Variants in RNFT2 observed in about 807,000 individuals in gnomAD.
RNFT2 encodes E3 ubiquitin-protein ligase RNFT2.
Under a neutral mutation model 53.0 loss-of-function variants are expected in RNFT2, and 36 were observed. That is an observed-to-expected ratio of 0.68 (90% confidence interval 0.52 to 0.90). The LOEUF is 0.90. Ranked by LOEUF, RNFT2 falls within the 40% of genes least tolerant of loss-of-function variation. RNFT2 has a pLI of 0.00. For missense variants in RNFT2, 514 were observed against 585.6 expected (o/e 0.88, Z 1.26); for synonymous variants, 260 against 253.2 (o/e 1.03, Z -0.26).
At chr12:116,845,087 T>C (rs2137223017) in intron 10 of RNFT2, among the ~76,000 whole-genome samples, 1 of 151,436 alleles carries the variant, frequency 6.6e-6, no homozygotes, top group Middle Eastern at 3.4e-3. Context: ...CACAAAAAAA[T>C]TAAAAAATTA....
chr12:116,820,861 C>T (rs1257590638), intron 7 of RNFT2, among the ~76,000 whole-genome samples: 1 of 152,156 alleles, frequency 6.6e-6, no homozygotes, highest in Non-Finnish European at 1.5e-5. Flanking sequence ...GGACAGCCTG[C>T]AGGTACTAAG....
At position 116,852,096 on chromosome 12, in the gene RNFT2, AG is replaced by A. The variant is rs1387073761; in HGVS notation, c.*2649del. ...GTTCCCTGCTCTGAAATCTGGCATG[AG>A]ATGGCACAGGTGACCACGCAGAAGC... On this transcript the variant is annotated 3_prime_UTR_variant, in exon 11 of 11. Coordinates refer to ENST00000257575, the MANE Select transcript of RNFT2 (RefSeq NM_001382266.1). The A allele has an allele frequency of 1.9e-6, 2 of 1,029,322 alleles. No individual in the cohort carries two copies. The highest frequency in any genetic ancestry group is 1.4e-6 in the Non-Finnish European group (1 of 735,282). The allele number at this position is 1,029,322 out of a possible 1,614,324, so 63.8% of individuals were successfully genotyped here.
chr12:116,740,384 T>C lies in RNFT2; in HGVS notation c.-114T>C, dbSNP rs533102705. ...GCAAGCTCCCCTGACTGTGCATCCCTCTGGAGACGAAGAGGAGGGGGAGGC... is the reference window on the plus strand; with the variant it reads ...GCAAGCTCCCCTGACTGTGCATCCCCCTGGAGACGAAGAGGAGGGGGAGGC... On this transcript the variant is annotated 5_prime_UTR_variant, in exon 2 of 11. Coordinates refer to ENST00000257575, the MANE Select transcript of RNFT2 (RefSeq NM_001382266.1). The C allele has an allele frequency of 1.4e-4, 146 of 1,034,648 alleles. No individual in the cohort carries two copies. In the African/African-American group the frequency reaches 2.1e-3, roughly 15 times the overall value. 64.1% of individuals were successfully genotyped at this position (1,034,648 alleles called of 1,614,324 possible).
In RNFT2 at chr12:116,751,421, G is replaced by A. The variant is rs145060332; in HGVS notation, c.550+1114G>A. Reference sequence around the variant, plus strand: ...ATACTGTTTTCTGTTTGTTTGTTTTGACATGGAGTTTTGCTCTTGTTGCCC... The same window carrying A: ...ATACTGTTTTCTGTTTGTTTGTTTTAACATGGAGTTTTGCTCTTGTTGCCC... On this transcript the variant is annotated intron_variant, in intron 4 of 10. Coordinates refer to ENST00000257575, the MANE Select transcript of RNFT2 (RefSeq NM_001382266.1). 2.6e-3 allele frequency among the ~76,000 whole-genome samples: 396 copies of A among 151,792 alleles called. 2 individuals carry two copies. Among genetic ancestry groups the A allele is most frequent in the African/African-American group, 9.1e-3 (376 of 41,378 alleles).
chr12:116,832,148 A>AAATATAT (rs1555209702), intron 7 of RNFT2, among the ~76,000 whole-genome samples: 2 of 55,172 alleles, frequency 3.6e-5, no homozygotes, highest in African/African-American at 7.0e-5. Context: ...AAAAAAAAAA[A>AAATATAT]ATATATATAT....
chr12:116,750,824 TATATAATATATATATTATATATATATA>T (rs1566069330), intron 4 of RNFT2, among the ~76,000 whole-genome samples: 1 of 25,212 alleles, frequency 4.0e-5, no homozygotes, highest in East Asian at 2.9e-3. Context: ...ATATATTATA[TATATAATATATATATTATATATATATA>T]ATATATATTA....
chr12:116,769,902 G>A (rs759684250), intron 6 of RNFT2, among the ~76,000 whole-genome samples: 1 of 152,062 alleles, frequency 6.6e-6, no homozygotes, highest in Non-Finnish European at 1.5e-5. Context: ...AGGTGTGGTG[G>A]CAGGATCCTG....
rs1566083555 is a variant in RNFT2 at position 116,794,695 on chromosome 12, G to GGAA, written c.882+15348_882+15349insAAG. The stretch of plus-strand genomic sequence containing the variant: ...GGAAGGGAGGGAGGGAGGGAGGGAA[G>GGAA]GGAAGGGAGGAAAGAAAGAAAGAAA... On this transcript the variant is annotated intron_variant, in intron 7 of 10. Coordinates refer to ENST00000257575, the MANE Select transcript of RNFT2 (RefSeq NM_001382266.1). Among the ~76,000 whole-genome samples the GGAA allele has an allele frequency of 2.8e-3, 383 of 135,768 alleles. 14 individuals are homozygous for GGAA. The highest frequency in any genetic ancestry group is 9.5e-3 in the East Asian group (42 of 4,406). The allele number at this position is 135,768 out of a possible 152,430, so 89.1% of individuals were successfully genotyped here.
At chr12:116,796,513 C>G (rs1377250721) in intron 7 of RNFT2, among the ~76,000 whole-genome samples, 7 of 152,156 alleles carry the variant, frequency 4.6e-5, no homozygotes. Context: ...TGGTTTTTCT[C>G]TAAGCACAGG....
intron 7 of RNFT2, among the ~76,000 whole-genome samples, chr12:116,782,742 C>T (rs1414121748): frequency 6.6e-6 from 1 of 151,940 alleles, no homozygotes; most frequent in Non-Finnish European, 1.5e-5. Flanking sequence ...TTCCTACCAC[C>T]CCCTTTCTCA....
chr12:116,824,524 G>A (rs1428617867), intron 7 of RNFT2, among the ~76,000 whole-genome samples: 1 of 152,204 alleles, frequency 6.6e-6, no homozygotes, highest in African/African-American at 2.4e-5. Flanking sequence ...ACCAGCTCTA[G>A]GGTGTGGGAT....
chr12:116,748,727 G>A lies in RNFT2; in HGVS notation c.84-1114G>A, dbSNP rs769502629. 6.7e-5 allele frequency: 29 copies of A among 433,554 alleles called. No homozygotes were observed. The Middle Eastern group carries it at 1.0e-3, about 15-fold the overall frequency. 26.9% of individuals were successfully genotyped at this position (433,554 alleles called of 1,614,324 possible). The stretch of plus-strand genomic sequence containing the variant: ...TGAACTTGAAGACTGCAGAGCCAGC[G>A]GTCCTTGGGATCCCGAGGTAATTCT... On this transcript the variant is annotated intron_variant, in intron 3 of 10. Coordinates refer to ENST00000257575, the MANE Select transcript of RNFT2 (RefSeq NM_001382266.1).
intron 7 of RNFT2, among the ~76,000 whole-genome samples, chr12:116,790,643 A>C (rs1874189989): frequency 2.0e-5 from 3 of 152,318 alleles, no homozygotes; most frequent in South Asian, 4.1e-4. Context: ...TCTTATTGAG[A>C]TACAATTCAC....
intron 7 of RNFT2, among the ~76,000 whole-genome samples, chr12:116,806,572 A>G (rs1272423454): frequency 2.0e-5 from 3 of 151,730 alleles, no homozygotes; most frequent in Non-Finnish European, 4.4e-5. Context: ...ATAGTGAGAC[A>G]CCTTCTCTAT....
Position 116,744,736 on chromosome 12 carries a change from C to T in RNFT2, c.83+3642C>T, listed in dbSNP as rs534900011. ...TTCTTTCCCAGTCAGGCTGAAATCT[C>T]GGCTGGATGCAGGGGAGAGGCCCAG... is the stretch of plus-strand genomic sequence containing the variant. On this transcript the variant is annotated intron_variant, in intron 3 of 10. Coordinates refer to ENST00000257575, the MANE Select transcript of RNFT2 (RefSeq NM_001382266.1). Among the ~76,000 whole-genome samples, 23 of 152,312 alleles carry T rather than the reference C, an allele frequency of 1.5e-4. No homozygotes were observed. In the East Asian group the frequency reaches 1.5e-3, roughly 10 times the overall value.
intron 7 of RNFT2, among the ~76,000 whole-genome samples, chr12:116,823,529 T>G (rs1876166830): frequency 6.6e-6 from 1 of 152,154 alleles, no homozygotes; most frequent in Non-Finnish European, 1.5e-5. Context: ...ACTAAAAATA[T>G]GAAAATGAGC....
In RNFT2 at chr12:116,852,919, TAAAAC is replaced by T. The variant is rs2137235052; in HGVS notation, c.*3476_*3480del. On this transcript the variant is annotated 3_prime_UTR_variant, in exon 11 of 11. Coordinates refer to ENST00000257575, the MANE Select transcript of RNFT2 (RefSeq NM_001382266.1). Reference sequence around the variant, plus strand: ...AATTATGCCCATGCCACCAAAACAATAAAACAAAATTCTCTAACACTGCAAAGAGT... The same window carrying T: ...AATTATGCCCATGCCACCAAAACAATAAAATTCTCTAACACTGCAAAGAGT... The T allele has an allele frequency of 1.7e-6, 1 of 598,784 alleles. No homozygotes were observed. The highest frequency in any genetic ancestry group is 2.1e-5 in the South Asian group (1 of 46,984). The allele number at this position is 598,784 out of a possible 1,614,324, so 37.1% of individuals were successfully genotyped here. A position where few individuals can be genotyped will look rare whatever the true frequency, so the allele number is the denominator to read the frequency against.
intron 10 of RNFT2, among the ~76,000 whole-genome samples, chr12:116,848,242 A>C (rs1175127895): frequency 6.6e-6 from 1 of 152,172 alleles, no homozygotes; most frequent in African/African-American, 2.4e-5. Context: ...TATCCAGTCT[A>C]TCATTGATAA....
intron 7 of RNFT2, among the ~76,000 whole-genome samples, chr12:116,792,580 T>G (rs1471825643): frequency 2.0e-5 from 3 of 152,096 alleles, no homozygotes. Context: ...TGATGATGAT[T>G]ATTTTATTCG....
Sources: gnomAD v4.1 joint callset for allele counts (sites outside exome capture counted in the v4.1 genomes callset) on GRCh38, gnomAD v4.1.1 for gene constraint, MANE v1.5 for transcripts, NCBI Gene and HGNC (gene_info 2026-07-23, HGNC 2026-07-21) for gene names.